The following CDH1 variants were observed in gnomAD, a reference collection of about 807,000 sequenced individuals.
CDH1 encodes the protein cadherin 1.
In CDH1, 35 loss-of-function variants were observed where a neutral mutation model predicts 84.5. That is an observed-to-expected ratio of 0.41 (90% CI 0.32 to 0.55). CDH1 has a LOEUF of 0.55. Ranked by LOEUF, CDH1 falls within the 20% of genes least tolerant of loss-of-function variation. The pLI is 0.19. For synonymous variants in CDH1, 417 were observed against 439.0 expected, an observed-to-expected ratio of 0.95 and a Z score of 0.63; for missense variants, 994 against 1,126.6, an observed-to-expected ratio of 0.88 and a Z score of 1.68.
intron 15 of CDH1, among the ~76,000 whole-genome samples, chr16:68,832,685 TGGC>T (rs1429080521): frequency 6.6e-6 from 1 of 150,582 alleles, no homozygotes; most frequent in African/African-American, 2.4e-5. Flanking sequence ...CCGGGCATGG[TGGC>T]GCATGCCTGT....
intron 3 of CDH1, among the ~76,000 whole-genome samples, chr16:68,804,996 A>ATTTT (rs71148951): frequency 6.2e-4 from 56 of 89,676 alleles, no homozygotes; most frequent in Non-Finnish European, 8.9e-4. Flanking sequence ...TGCCCAGCTA[A>ATTTT]TTTTTTTTTT....
At chr16:68,816,419 C>G (rs1293182464) in intron 10 of CDH1, among the ~76,000 whole-genome samples, 1 of 152,200 alleles carries the variant, frequency 6.6e-6, no homozygotes, top group Non-Finnish European at 1.5e-5. Context: ...AACCCACATG[C>G]CAACCAACCA....
intron 2 of CDH1, among the ~76,000 whole-genome samples, chr16:68,793,623 G>A (rs1960271322): frequency 6.6e-6 from 1 of 152,184 alleles, no homozygotes. Context: ...CAGGCGCAGT[G>A]GCTCATACCT....
Position 68,738,936 on chromosome 16 carries a change from C to CTTTTTTTTTT in CDH1, c.163+544_163+553dup. Among the ~76,000 whole-genome samples, 18 of 11,440 alleles carry CTTTTTTTTTT rather than the reference C, an allele frequency of 1.6e-3. 5 individuals carry two copies. Among genetic ancestry groups the CTTTTTTTTTT allele is most frequent in the African/African-American group, 3.5e-3 (15 of 4,306 alleles). 7.5% of individuals were successfully genotyped at this position (11,440 alleles called of 152,430 possible). A position where few individuals can be genotyped will look rare whatever the true frequency, so the allele number is the denominator to read the frequency against. On this transcript the variant is annotated intron_variant, in intron 2 of 15. Transcript: ENST00000261769. Reference sequence around the variant, plus strand: ...TGGCTTTTGTTTACAGATATAAAAGCTTTTTTTTTTTTTTTTTTTTTTTTT... The same window carrying CTTTTTTTTTT: ...TGGCTTTTGTTTACAGATATAAAAGCTTTTTTTTTTTTTTTTTTTTTTTTTTTTTTTTTTT...
At chr16:68,831,338 C>G (rs1961479898) in intron 15 of CDH1, among the ~76,000 whole-genome samples, 1 of 151,060 alleles carries the variant, frequency 6.6e-6, no homozygotes, top group Non-Finnish European at 1.5e-5. Flanking sequence ...GATCTGCCTG[C>G]CTTGGCCTCC....
intron 1 of CDH1, 52 bp downstream of exon 1, chr16:68,737,515 C>CGCCCCATCCCCGT (rs1555509676): frequency 7.4e-7 from 1 of 1,351,406 alleles, no homozygotes; most frequent in East Asian, 2.5e-5. Flanking sequence ...GCAAGCTCCG[C>CGCCCCATCCCCGT]GCCCCAGCCC....
intron 2 of CDH1, among the ~76,000 whole-genome samples, chr16:68,761,379 A>G (rs1198664167): frequency 6.6e-6 from 1 of 152,130 alleles, no homozygotes; most frequent in Non-Finnish European, 1.5e-5. Flanking sequence ...CTTCTCCTCA[A>G]GCTTGCTTCT....
In CDH1 at chr16:68,738,964, T is replaced by TTTTTTTTTTTTTTTTTTTA. The variant is rs555202424; in HGVS notation, c.163+553_163+554insTTTTTTTTTTTTTTTTTTA. Among the ~76,000 whole-genome samples the TTTTTTTTTTTTTTTTTTTA allele has an allele frequency of 4.4e-4, 29 of 65,410 alleles. 11 individuals carry two copies. The highest frequency in any genetic ancestry group is 6.8e-4 in the Non-Finnish European group (24 of 35,548). 42.9% of individuals were successfully genotyped at this position (65,410 alleles called of 152,430 possible). A position where few individuals can be genotyped will look rare whatever the true frequency, so the allele number is the denominator to read the frequency against. ...TTTTTTTTTTTTTTTTTTTTTTTTT[T>TTTTTTTTTTTTTTTTTTTA]AAAGACAGGGTCTTGCTCTGTTGCC... On this transcript the variant is annotated intron_variant, in intron 2 of 15. Transcript: ENST00000261769.
chr16:68,825,962 A>G (rs1182981480), intron 13 of CDH1, among the ~76,000 whole-genome samples: 4 of 151,786 alleles, frequency 2.6e-5, no homozygotes, highest in African/African-American at 9.7e-5. Context: ...GACCACAGGC[A>G]TGAGCCACCA....
At chr16:68,766,592 G>A (rs1440827699) in intron 2 of CDH1, among the ~76,000 whole-genome samples, 2 of 152,186 alleles carry the variant, frequency 1.3e-5, no homozygotes, top group Non-Finnish European at 2.9e-5. Flanking sequence ...ATTACAATTA[G>A]TTATTACTGA....
chr16:68,796,045 C>T (rs1036125782), intron 2 of CDH1, among the ~76,000 whole-genome samples: 4 of 151,876 alleles, frequency 2.6e-5, no homozygotes, highest in African/African-American at 9.7e-5. Context: ...CACCTGTAAT[C>T]CCAGCTACTC....
chr16:68,788,160 T>G (rs2152123232), intron 2 of CDH1, among the ~76,000 whole-genome samples: 1 of 152,254 alleles, frequency 6.6e-6, no homozygotes, highest in East Asian at 1.9e-4. Flanking sequence ...TGGCTTCTCT[T>G]CTCTGCACTT....
In CDH1 at chr16:68,801,736, T is replaced by G; in HGVS notation, c.230T>G (p.Val77Gly). The G allele has an allele frequency of 1.2e-6, 2 of 1,614,152 alleles. No homozygotes were observed. The highest frequency in any genetic ancestry group is 1.7e-6 in the Non-Finnish European group (2 of 1,180,018). ...AYFSLDTRFK[V>G]GTDGVITVKR... is the part of the protein sequence containing the mutation. Reference sequence around the variant, plus strand: ...TTTTCCCTCGACACCCGATTCAAAGTGGGCACAGATGGTGTGATTACAGTC... The same window carrying G: ...TTTTCCCTCGACACCCGATTCAAAGGGGGCACAGATGGTGTGATTACAGTC... Residue 77 changes from valine (V) to glycine (G), a missense_variant, in exon 3 of 16, where the codon GTG (valine) becomes GGG (glycine). Val to Gly is a moderately radical substitution (Grantham distance 109). This residue lies in a region of CDH1 where 203 missense variants were observed against 194.0 expected (regional missense o/e 1.05). Transcript: ENST00000261769.
intron 2 of CDH1, among the ~76,000 whole-genome samples, chr16:68,745,499 C>T (rs1278537385): frequency 1.6e-5 from 2 of 122,300 alleles, no homozygotes; most frequent in African/African-American, 3.7e-5. Flanking sequence ...GCCATGATTG[C>T]ACCACGGCAC....
chr16:68,767,691 T>C (rs1201011056), intron 2 of CDH1, among the ~76,000 whole-genome samples: 2 of 152,320 alleles, frequency 1.3e-5, no homozygotes, highest in African/African-American at 2.4e-5. Context: ...TTCCTACCTC[T>C]CCAACAAAGA....
At chr16:68,792,969 G>A (rs1960250498) in intron 2 of CDH1, among the ~76,000 whole-genome samples, 1 of 152,130 alleles carries the variant, frequency 6.6e-6, no homozygotes. Flanking sequence ...TTTGTTCTGG[G>A]CACATATGTT....
At chr16:68,800,471 A>G (rs1567500551) in intron 2 of CDH1, among the ~76,000 whole-genome samples, 1 of 152,218 alleles carries the variant, frequency 6.6e-6, no homozygotes, top group Non-Finnish European at 1.5e-5. Flanking sequence ...GAAGAAATGA[A>G]AACTGCTGCC....
chr16:68,818,093 A>T (rs906566904), intron 10 of CDH1, among the ~76,000 whole-genome samples: 1 of 151,860 alleles, frequency 6.6e-6, no homozygotes, highest in South Asian at 2.1e-4. Context: ...ACAAAAAATT[A>T]GCCGGGCGTG....
intron 10 of CDH1, among the ~76,000 whole-genome samples, chr16:68,818,677 G>A (rs1397731496): frequency 7.3e-5 from 11 of 150,580 alleles, no homozygotes; most frequent in Non-Finnish European, 4.4e-5. Context: ...TGTAAACCGC[G>A]TCTCAACTAA....
Sources: gnomAD v4.1 joint callset for allele counts (sites outside exome capture counted in the v4.1 genomes callset) on GRCh38, gnomAD v4.1.1 for gene constraint, gnomAD v4.1.1 regional missense constraint, MANE v1.5 for transcripts, NCBI Gene and HGNC (gene_info 2026-07-23, HGNC 2026-07-21) for gene names.